Variants in SLC25A26 observed in about 807,000 individuals in gnomAD.
SLC25A26 encodes solute carrier family 25 member 26.
SLC25A26 carries 36 observed loss-of-function variants against 37.8 expected under a neutral mutation model. The ratio of observed to expected loss-of-function variants is 0.95; its 90% CI spans 0.73 to 1.26. The LOEUF (loss-of-function observed/expected upper bound fraction) is 1.26. Among genes scored for constraint, SLC25A26 ranks in the 50% most tolerant of loss-of-function variants. The probability of loss-of-function intolerance (pLI) is 0.00; values close to 1 mark genes in which losing one functional copy is unlikely to be tolerated. For synonymous variants in SLC25A26, 129 were observed against 122.5 expected (o/e 1.05, Z -0.35); for missense variants, 390 against 331.1 (o/e 1.18, Z -1.38).
At chr3:66,375,229 T>C (rs1360378379) in intron 9 of SLC25A26, among the ~76,000 whole-genome samples, 1 of 152,152 alleles carries the variant, frequency 6.6e-6, no homozygotes, top group Admixed American at 6.5e-5. Flanking sequence ...TAGGAGAGGT[T>C]GATTCATGAA....
chr3:66,224,621 C>G (rs375291067), intron 1 of SLC25A26, among the ~76,000 whole-genome samples: 472 of 152,278 alleles, frequency 3.1e-3, no homozygotes, highest in Middle Eastern at 0.01. Context: ...TCTCCCAAAT[C>G]TCCTATCCTC....
intron 2 of SLC25A26, among the ~76,000 whole-genome samples, chr3:66,242,986 T>C (rs2072652099): frequency 1.3e-5 from 2 of 152,214 alleles, no homozygotes; most frequent in South Asian, 4.1e-4. Context: ...GGGTAGGTGT[T>C]ATATTTTCTG....
At chr3:66,308,436 G>A (rs1213963086) in intron 5 of SLC25A26, among the ~76,000 whole-genome samples, 1 of 152,150 alleles carries the variant, frequency 6.6e-6, no homozygotes, top group Non-Finnish European at 1.5e-5. Flanking sequence ...ATACAATCTT[G>A]TTAACTGCAA....
chr3:66,287,283 G>A (rs1223795920), intron 5 of SLC25A26, among the ~76,000 whole-genome samples: 1 of 148,638 alleles, frequency 6.7e-6, no homozygotes, highest in African/African-American at 2.5e-5. Context: ...GCGACAGAGC[G>A]AGACTCCGTC....
chr3:66,373,267 G>A (rs1413239799), intron 9 of SLC25A26, among the ~76,000 whole-genome samples: 1 of 152,130 alleles, frequency 6.6e-6, no homozygotes, highest in African/African-American at 2.4e-5. Flanking sequence ...TTAATCTGTG[G>A]GCACTAGAAC....
chr3:66,209,596 TAA>T (rs1299496219), intron 1 of SLC25A26, among the ~76,000 whole-genome samples: 19 of 137,424 alleles, frequency 1.4e-4, no homozygotes, highest in South Asian at 7.3e-4. Context: ...CATATATATA[TAA>T]AAGGTATATA....
intron 5 of SLC25A26, among the ~76,000 whole-genome samples, chr3:66,290,509 G>T (rs1317832885): frequency 6.6e-6 from 1 of 152,172 alleles, no homozygotes; most frequent in Non-Finnish European, 1.5e-5. Context: ...GGTTTATTGA[G>T]AGTTTTTAGC....
At chr3:66,362,757 A>G in intron 6 of SLC25A26, 103 bp from the exon 7 acceptor site, 1 of 664,752 alleles carries the variant, frequency 1.5e-6, no homozygotes, top group Non-Finnish European at 2.4e-6. Flanking sequence ...ATGCCACCAA[A>G]ATAGCTTCTC....
chr3:66,193,233 G>A (rs1332837560), intron 1 of SLC25A26, among the ~76,000 whole-genome samples: 2 of 151,918 alleles, frequency 1.3e-5, no homozygotes, highest in Admixed American at 6.6e-5. Context: ...CATACAAAAA[G>A]GGAATATATC....
chr3:66,196,704 T>TA (rs1232653378), intron 1 of SLC25A26, among the ~76,000 whole-genome samples: 2 of 122,128 alleles, frequency 1.6e-5, no homozygotes, highest in East Asian at 4.0e-4. Flanking sequence ...TGCAATAACT[T>TA]TAAAAAAACT....
intron 1 of SLC25A26, among the ~76,000 whole-genome samples, chr3:66,199,666 C>G (rs1198224801): frequency 6.6e-6 from 1 of 152,002 alleles, no homozygotes; most frequent in East Asian, 1.9e-4. Context: ...GACACTAAAC[C>G]CTTCACTGGC....
At chr3:66,178,445 T>A (rs1167290685) in intron 1 of SLC25A26, among the ~76,000 whole-genome samples, 1 of 152,118 alleles carries the variant, frequency 6.6e-6, no homozygotes, top group Admixed American at 6.5e-5. Flanking sequence ...TTTGGTGCAC[T>A]TTTCGTGAGG....
At chr3:66,319,872 G>C (rs1359332167) in intron 5 of SLC25A26, among the ~76,000 whole-genome samples, 2 of 145,568 alleles carry the variant, frequency 1.4e-5, no homozygotes, top group Non-Finnish European at 3.0e-5. Context: ...TCCTGCCTCA[G>C]CCTCCTGAGT....
chr3:66,249,760 A>G (rs2073006474), intron 3 of SLC25A26, among the ~76,000 whole-genome samples: 2 of 152,240 alleles, frequency 1.3e-5, no homozygotes, highest in African/African-American at 4.8e-5. Flanking sequence ...GAAGTAGAAG[A>G]TAACATGGCT....
intron 1 of SLC25A26, 60 bp from the exon 2 acceptor site, chr3:66,236,484 G>C (rs144534960): frequency 2.9e-6 from 4 of 1,367,700 alleles, no homozygotes; most frequent in African/African-American, 2.9e-5. Context: ...CCAAGTGGCC[G>C]AGAGCTTATT....
intron 7 of SLC25A26, 140 bp downstream of exon 7, chr3:66,363,069 G>A (rs1267018203): frequency 1.0e-5 from 4 of 401,760 alleles, no homozygotes; most frequent in South Asian, 1.0e-4. Flanking sequence ...AGAAAAGAAC[G>A]TGTCTTAGAG....
chr3:66,280,288 C>G (rs559416833), intron 5 of SLC25A26, among the ~76,000 whole-genome samples: 5 of 152,040 alleles, frequency 3.3e-5, no homozygotes, highest in Non-Finnish European at 7.4e-5. Flanking sequence ...CTGCCATATG[C>G]CAGATGAGGT....
chr3:66,233,490 C>G (rs36140221), intron 1 of SLC25A26, among the ~76,000 whole-genome samples: 38,896 of 151,952 alleles, frequency 0.26, 5,679 homozygotes, highest in African/African-American at 0.39. Flanking sequence ...ATGATTATAG[C>G]AAAATAACAT....
intron 1 of SLC25A26, among the ~76,000 whole-genome samples, chr3:66,189,872 C>A (rs1236789090): frequency 6.6e-6 from 1 of 152,156 alleles, no homozygotes; most frequent in East Asian, 1.9e-4. Flanking sequence ...ACCATGTTGC[C>A]CAGGCTGGTC....
Sources: gnomAD v4.1 joint callset for allele counts (sites outside exome capture counted in the v4.1 genomes callset) on GRCh38, gnomAD v4.1.1 for gene constraint, MANE v1.5 for transcripts, NCBI Gene and HGNC (gene_info 2026-07-23, HGNC 2026-07-21) for gene names.